CTCF: variants seen among roughly 807,000 people sequenced by gnomAD.
CTCF encodes the protein CCCTC-binding factor.
In CTCF, 7 loss-of-function variants were observed where a neutral mutation model predicts 72.3. That is an observed-to-expected ratio of 0.10 (90% CI 0.06 to 0.18). CTCF has a LOEUF of 0.18. Among genes scored for constraint, CTCF ranks in the 10% least tolerant of loss-of-function variants. The probability of loss-of-function intolerance (pLI) is 1.00; values close to 1 mark genes in which losing one functional copy is unlikely to be tolerated. For synonymous variants in CTCF, 374 were observed against 315.8 expected (o/e 1.18, Z -1.95); for missense variants, 516 against 949.1 (o/e 0.54, Z 6.00).
intron 2 of CTCF, among the ~76,000 whole-genome samples, chr16:67,583,237 T>C (rs1331690260): frequency 6.6e-6 from 1 of 151,918 alleles, no homozygotes; most frequent in African/African-American, 2.4e-5. Context: ...TCCTCCAGCC[T>C]TGGCCTCTCA....
At chr16:67,613,171 C>T (rs1185125672) in intron 4 of CTCF, among the ~76,000 whole-genome samples, 1 of 152,216 alleles carries the variant, frequency 6.6e-6, no homozygotes, top group Non-Finnish European at 1.5e-5. Context: ...TTTAAGCTTT[C>T]CTGAGCTATT....
chr16:67,566,212 G>C (rs962752701), intron 1 of CTCF, among the ~76,000 whole-genome samples: 1 of 152,048 alleles, frequency 6.6e-6, no homozygotes, highest in Non-Finnish European at 1.5e-5. Flanking sequence ...CTCAATTGAT[G>C]TGATTTGTAG....
In CTCF at chr16:67,629,505, C is replaced by G. The variant is rs1328942523; in HGVS notation, c.1809C>G (p.Arg603=). 1.9e-6 allele frequency: 3 copies of G among 1,613,418 alleles called. No individual in the cohort carries two copies. Among genetic ancestry groups the G allele is most frequent in the Middle Eastern group, 1.6e-4 (1 of 6,084 alleles). The change falls in exon 10 of 12, where the codon CGC becomes CGG. Residue 603 remains arginine, a synonymous_variant. Transcript: ENST00000264010. ...AACGTGGAAGAAAAAGAAAGATGCG[C>G]TCTAAGAAAGAAGATTCCTCTGACA... The part of the protein sequence containing the change: ...KSKRGRKRKM[R]SKKEDSSDSE...
At chr16:67,633,804 A>ACACACACACTCT (rs1555536506) in intron 10 of CTCF, among the ~76,000 whole-genome samples, 9 of 151,784 alleles carry the variant, frequency 5.9e-5, no homozygotes, top group African/African-American at 2.2e-4. Flanking sequence ...ACACACACAC[A>ACACACACACTCT]CACACACACA....
Position 67,626,728 on chromosome 16 carries a change from A to C in CTCF, c.1518+13A>C. On this transcript the variant is annotated intron_variant, in intron 8 of 11. Coordinates refer to ENST00000264010, the MANE Select transcript of CTCF (RefSeq NM_006565.4). ...CGCTTGTAGACAGGTAGGAACCTTC[A>C]TTGAAAGTTGTTGGTGCTTTCTCGG... The C allele has an allele frequency of 1.4e-6, 2 of 1,394,804 alleles. No homozygotes were observed. Among genetic ancestry groups the C allele is most frequent in the East Asian group, 2.6e-5 (1 of 38,338 alleles). 86.4% of individuals were successfully genotyped at this position (1,394,804 alleles called of 1,614,324 possible). A position where few individuals can be genotyped will look rare whatever the true frequency, so the allele number is the denominator to read the frequency against.
intron 2 of CTCF, among the ~76,000 whole-genome samples, chr16:67,585,939 T>C (rs2051663374): frequency 1.3e-5 from 2 of 152,202 alleles, no homozygotes; most frequent in African/African-American, 2.4e-5. Flanking sequence ...TATTGTGTCT[T>C]TTGGGTGTAT....
chr16:67,627,794 C>G (rs1369658948), intron 8 of CTCF: 1 of 152,570 alleles, frequency 6.6e-6, no homozygotes, highest in East Asian at 1.9e-4. Context: ...AAAAAATCAG[C>G]TGGGCGTGGT....
intron 10 of CTCF, among the ~76,000 whole-genome samples, chr16:67,634,797 G>T (rs1329677676): frequency 3.3e-5 from 5 of 150,820 alleles, no homozygotes; most frequent in Non-Finnish European, 7.4e-5. Context: ...TCCACCTCTC[G>T]GGTTCAAGCA....
intron 2 of CTCF, among the ~76,000 whole-genome samples, chr16:67,606,759 T>TG (rs1279110271): frequency 6.7e-6 from 1 of 148,276 alleles, no homozygotes; most frequent in African/African-American, 2.5e-5. Flanking sequence ...GTTTTGGGTT[T>TG]TTTTTTTTTT....
At chr16:67,628,591 AATATTGG>A (rs750628532) in intron 9 of CTCF, 39 bp downstream of exon 9, 1 of 1,594,868 alleles carries the variant, frequency 6.3e-7, no homozygotes, top group East Asian at 2.2e-5. Flanking sequence ...TATGATACTG[AATATTGG>A]ATTTTTGGTC....
At chr16:67,629,136 G>A (rs2052329596) in intron 9 of CTCF, among the ~76,000 whole-genome samples, 1 of 151,662 alleles carries the variant, frequency 6.6e-6, no homozygotes, top group South Asian at 2.1e-4. Context: ...CCTGTTCTGG[G>A]TCTTCTCTTG....
intron 1 of CTCF, among the ~76,000 whole-genome samples, chr16:67,567,331 C>T (rs956481237): frequency 2.6e-5 from 4 of 152,124 alleles, no homozygotes; most frequent in African/African-American, 9.7e-5. Context: ...TTTTTGGTCA[C>T]TCTTGGAATT....
At chr16:67,634,409 T>C (rs1290213123) in intron 10 of CTCF, among the ~76,000 whole-genome samples, 3 of 152,106 alleles carry the variant, frequency 2.0e-5, no homozygotes, top group Non-Finnish European at 4.4e-5. Context: ...GGTTTCACCA[T>C]GTTGGCCTGG....
At chr16:67,604,964 ATTTTTTT>A (rs34873720) in intron 2 of CTCF, among the ~76,000 whole-genome samples, 65 of 73,772 alleles carry the variant, frequency 8.8e-4, no homozygotes, top group African/African-American at 3.9e-3. Context: ...TATAAATGGG[ATTTTTTT>A]TTTTTTTTTT....
intron 2 of CTCF, among the ~76,000 whole-genome samples, chr16:67,603,227 A>G (rs781542837): frequency 6.6e-6 from 1 of 152,024 alleles, no homozygotes; most frequent in Non-Finnish European, 1.5e-5. Flanking sequence ...CAAAAAAAAA[A>G]TTACAAAAAA....
chr16:67,617,846 C>G (rs573850869), intron 5 of CTCF, among the ~76,000 whole-genome samples: 2 of 152,154 alleles, frequency 1.3e-5, no homozygotes, highest in Non-Finnish European at 2.9e-5. Flanking sequence ...AGAAAACTTA[C>G]CCTCAGAGAG....
intron 8 of CTCF, chr16:67,627,603 A>T (rs1403213602): frequency 1.3e-5 from 2 of 151,832 alleles, no homozygotes; most frequent in Non-Finnish European, 2.9e-5. Context: ...GTTCAAGACC[A>T]GCCTGGCCAA....
rs1237888541 is a variant in CTCF at position 67,628,462 on chromosome 16, T to G, written c.1611T>G (p.Leu537=). 1.2e-6 allele frequency: 2 copies of G among 1,614,194 alleles called. No individual in the cohort carries two copies. The highest frequency in any genetic ancestry group is 8.5e-7 in the Non-Finnish European group (1 of 1,180,040). ...ATAAGACCTTCCGCCAGAAGCAGCT[T>G]CTCGACATGCACTTCAAGCGCTATC... ...HCDKTFRQKQ[L]LDMHFKRYHD... The change falls in exon 9 of 12, where the codon CTT becomes CTG. Residue 537 remains leucine, a synonymous_variant. Transcript: ENST00000264010.
At chr16:67,633,389 G>A (rs889059234) in intron 10 of CTCF, among the ~76,000 whole-genome samples, 1 of 152,210 alleles carries the variant, frequency 6.6e-6, no homozygotes, top group South Asian at 2.1e-4. Context: ...CTGGCTCCTC[G>A]TCAGTATTCT....
Sources: gnomAD v4.1 joint callset for allele counts (sites outside exome capture counted in the v4.1 genomes callset) on GRCh38, gnomAD v4.1.1 for gene constraint, MANE v1.5 for transcripts, NCBI Gene and HGNC (gene_info 2026-07-23, HGNC 2026-07-21) for gene names.